EML6: variants seen among roughly 807,000 people sequenced by gnomAD.
EML6 encodes echinoderm microtubule-associated protein-like 6.
Under a neutral mutation model 240.1 loss-of-function variants are expected in EML6, and 154 were observed. The observed-to-expected ratio is 0.64, with a 90% CI of 0.56 to 0.73. The LOEUF is 0.73. Among genes scored for constraint, EML6 ranks in the 30% least tolerant of loss-of-function variants. The pLI, the probability that EML6 is intolerant of heterozygous loss-of-function variation, is 0.00. For missense variants in EML6, 2,964 were observed against 2,474.6 expected (o/e 1.20, Z -4.20); for synonymous variants, 1,148 against 899.0 (o/e 1.28, Z -4.95).
At chr2:54,809,572 A>G (rs1051412292) in intron 2 of EML6, among the ~76,000 whole-genome samples, 1 of 152,176 alleles carries the variant, frequency 6.6e-6, no homozygotes, top group Non-Finnish European at 1.5e-5. Context: ...GCAGAGAGCA[A>G]TTGTGAGGTA....
At chr2:54,810,360 C>T (rs1043186170) in intron 2 of EML6, among the ~76,000 whole-genome samples, 20 of 152,134 alleles carry the variant, frequency 1.3e-4, no homozygotes, top group Non-Finnish European at 1.0e-4. Flanking sequence ...AACTAAGGCT[C>T]GTAAGTTATT....
At chr2:54,845,853 A>G (rs1289601529) in intron 8 of EML6, among the ~76,000 whole-genome samples, 1 of 152,156 alleles carries the variant, frequency 6.6e-6, no homozygotes, top group African/African-American at 2.4e-5. Context: ...CATGTGACTT[A>G]TTCTTGTCTG....
rs941327603 is a variant in EML6 at position 54,892,803 on chromosome 2, T to A, written c.2742+147T>A. 8.1e-6 allele frequency: 5 copies of A among 617,788 alleles called. No homozygotes were observed. In the African/African-American group the frequency reaches 9.2e-5, roughly 11 times the overall value. 38.3% of individuals were successfully genotyped at this position (617,788 alleles called of 1,614,324 possible). A position where few individuals can be genotyped will look rare whatever the true frequency, so the allele number is the denominator to read the frequency against. ...GTCATAAAGCTCAGTCAAGAGACAATAGGGAGGAAAGCAAAGATATTTTTA... is the reference window on the plus strand; with the variant it reads ...GTCATAAAGCTCAGTCAAGAGACAAAAGGGAGGAAAGCAAAGATATTTTTA... On this transcript the variant is annotated intron_variant, in intron 19 of 41. Transcript: ENST00000356458.
chr2:54,849,390 C>T (rs149268631), intron 9 of EML6, among the ~76,000 whole-genome samples: 1 of 152,294 alleles, frequency 6.6e-6, no homozygotes, highest in East Asian at 1.9e-4. Flanking sequence ...AGTTTGTGCC[C>T]ATTAATCTAC....
At chr2:54,968,389 C>T (rs1422560152) in intron 40 of EML6, 108 bp downstream of exon 40, 5 of 1,072,838 alleles carry the variant, frequency 4.7e-6, no homozygotes, top group Middle Eastern at 2.3e-4. Context: ...AAACCCTGTC[C>T]CGGTACAGTG....
intron 8 of EML6, among the ~76,000 whole-genome samples, chr2:54,845,520 C>G (rs1159335566): frequency 6.6e-6 from 1 of 152,220 alleles, no homozygotes; most frequent in African/African-American, 2.4e-5. Flanking sequence ...TACATTTTTA[C>G]ACTAAGTATT....
Position 54,859,584 on chromosome 2 carries a change from C to A in EML6, c.1708C>A (p.Arg570Ser). ...VGHSAHVTNV[R>S]WSHDFQWVLS... ...CCATTCTGCACATGTCACAAATGTC[C>A]GCTGGTCCCATGACTTTCAGTGGGT... is the stretch of plus-strand genomic sequence containing the variant. Residue 570 changes from arginine to serine, a missense_variant, in exon 12 of 42, where the codon CGC becomes AGC. Physicochemically the swap from Arg to Ser is moderately radical, Grantham distance 110. Coordinates refer to ENST00000356458, the MANE Select transcript of EML6 (RefSeq NM_001039753.4). The A allele has an allele frequency of 6.4e-7, 1 of 1,551,284 alleles. No individual in the cohort carries two copies. The highest frequency in any genetic ancestry group is 8.7e-7 in the Non-Finnish European group (1 of 1,146,832).
intron 30 of EML6, 75 bp downstream of exon 30, chr2:54,950,854 A>C: frequency 6.9e-7 from 1 of 1,442,854 alleles, no homozygotes; most frequent in Non-Finnish European, 9.3e-7. Context: ...TTAGATGCCC[A>C]AAAGCTTAAG....
intron 2 of EML6, among the ~76,000 whole-genome samples, chr2:54,811,100 C>G (rs1466888612): frequency 6.6e-6 from 1 of 152,122 alleles, no homozygotes. Context: ...TCTTTATCCC[C>G]TCTACCCATG....
intron 12 of EML6, among the ~76,000 whole-genome samples, chr2:54,860,869 C>T (rs2103837149): frequency 6.6e-6 from 1 of 152,280 alleles, no homozygotes; most frequent in South Asian, 2.1e-4. Context: ...TTTACAGCTA[C>T]CTCCCAGAGG....
At chr2:54,967,965 G>C (rs542643691) in intron 39 of EML6, among the ~76,000 whole-genome samples, 163 bp from the exon 40 acceptor site, 1 of 152,152 alleles carries the variant, frequency 6.6e-6, no homozygotes, top group South Asian at 2.1e-4. Context: ...CCCTGCGGTC[G>C]GTTCCTAACA....
In EML6 at chr2:54,725,358, A is replaced by G. The variant is rs1682864945; in HGVS notation, c.197+100A>G. On this transcript the variant is annotated intron_variant, in intron 2 of 41. Coordinates refer to ENST00000356458, the MANE Select transcript of EML6 (RefSeq NM_001039753.4). This position sits in a 1 kb window ranked among gnomAD's most constrained non-coding sequence, Gnocchi z 4.3. ...GTCGGATCCGGGAGCCCCGTGGAATAGAGGATTCTCTCTGGAGCCGCATGG... is the reference window on the plus strand; with the variant it reads ...GTCGGATCCGGGAGCCCCGTGGAATGGAGGATTCTCTCTGGAGCCGCATGG... 2 of 888,230 alleles carry G rather than the reference A, an allele frequency of 2.3e-6. No individual in the cohort carries two copies. The highest frequency in any genetic ancestry group is 2.2e-5 in the South Asian group (1 of 45,964). 55.0% of individuals were successfully genotyped at this position (888,230 alleles called of 1,614,324 possible).
intron 25 of EML6, among the ~76,000 whole-genome samples, chr2:54,914,822 A>T (rs1673825280): frequency 6.6e-6 from 1 of 152,192 alleles, no homozygotes; most frequent in Non-Finnish European, 1.5e-5. Flanking sequence ...GTAAACTAAT[A>T]AAAAGCTTAC....
chr2:54,814,366 C>T (rs1276358749), intron 3 of EML6, among the ~76,000 whole-genome samples: 2 of 152,202 alleles, frequency 1.3e-5, no homozygotes, highest in Admixed American at 1.3e-4. Flanking sequence ...ATTTTCTCTT[C>T]TTCCTTTGAC....
In EML6 at chr2:54,952,590, C is replaced by G. The variant is rs1012140180; in HGVS notation, c.4214-4C>G. 2.2e-5 allele frequency: 34 copies of G among 1,547,538 alleles called. No homozygotes were observed. Among genetic ancestry groups the G allele is most frequent in the Non-Finnish European group, 2.7e-5 (31 of 1,143,870 alleles). On this transcript the variant is annotated splice_polypyrimidine_tract_variant and splice_region_variant and intron_variant, in intron 30 of 41. Coordinates refer to ENST00000356458, the MANE Select transcript of EML6 (RefSeq NM_001039753.4). Reference sequence around the variant, plus strand: ...TTCACCCTCCCATGATCTCTCTCCCCCAGGGAGCCAGAGCTTCTATCTGGA... The same window carrying G: ...TTCACCCTCCCATGATCTCTCTCCCGCAGGGAGCCAGAGCTTCTATCTGGA...
chr2:54,762,733 A>C lies in EML6; in HGVS notation c.197+37475A>C, dbSNP rs555491125. Reference sequence around the variant, plus strand: ...GACATGCTTTATAAATTTGTGTAGCATCTTATTGCTGTTTGGCATCATAGC... The same window carrying C: ...GACATGCTTTATAAATTTGTGTAGCCTCTTATTGCTGTTTGGCATCATAGC... On this transcript the variant is annotated intron_variant, in intron 2 of 41. Transcript: ENST00000356458. Among the ~76,000 whole-genome samples, 105 of 152,274 alleles carry C rather than the reference A, an allele frequency of 6.9e-4. 1 individual carries two copies. The highest frequency in any genetic ancestry group is 2.3e-3 in the African/African-American group (94 of 41,564).
At chr2:54,749,427 A>G (rs1348404687) in intron 2 of EML6, among the ~76,000 whole-genome samples, 2 of 152,172 alleles carry the variant, frequency 1.3e-5, no homozygotes, top group Admixed American at 1.3e-4. Context: ...CTGTCATAAC[A>G]TAAATAGGGA....
At chr2:54,957,555 G>A (rs1252105103) in intron 32 of EML6, among the ~76,000 whole-genome samples, 8 of 152,110 alleles carry the variant, frequency 5.3e-5, no homozygotes, top group Non-Finnish European at 1.5e-5. Context: ...TTCTTGCTAC[G>A]TTCATGAATG....
chr2:54,940,581 C>T (rs1056968919), intron 28 of EML6, among the ~76,000 whole-genome samples: 2 of 152,184 alleles, frequency 1.3e-5, no homozygotes, highest in East Asian at 1.9e-4. Context: ...CAAACAAATA[C>T]TTTTCAAATG....
Sources: allele counts gnomAD v4.1 joint callset (sites outside exome capture counted in the v4.1 genomes callset), GRCh38; gene constraint gnomAD v4.1.1; non-coding constraint Gnocchi (gnomAD v3.1); transcripts MANE v1.5; gene names NCBI Gene and HGNC (gene_info 2026-07-23, HGNC 2026-07-21).